SCML4: variants seen among roughly 807,000 people sequenced by gnomAD.
SCML4 encodes the protein Scm polycomb group protein like 4.
In SCML4, 34 loss-of-function variants were observed where a neutral mutation model predicts 41.1. That is an observed-to-expected ratio of 0.83 (90% CI 0.63 to 1.10). The LOEUF is 1.10. Among genes scored for constraint, SCML4 ranks in the 50% least tolerant of loss-of-function variants. SCML4 has a pLI of 0.00. For synonymous variants in SCML4, 214 were observed against 220.9 expected (o/e 0.97, Z 0.28); for missense variants, 522 against 534.1 (o/e 0.98, Z 0.22).
At chr6:107,806,812 C>G (rs1461376755) in intron 1 of SCML4, among the ~76,000 whole-genome samples, 1 of 152,224 alleles carries the variant, frequency 6.6e-6, no homozygotes, top group Non-Finnish European at 1.5e-5. Flanking sequence ...CATCACTGAC[C>G]CAAGGGCAGC....
chr6:107,717,172 A>AAAAAG (rs1321916871), intron 6 of SCML4, among the ~76,000 whole-genome samples: 1 of 112,780 alleles, frequency 8.9e-6, no homozygotes, highest in African/African-American at 3.5e-5. Context: ...AAAAAAAAAA[A>AAAAAG]AGCCAGGTGT....
chr6:107,728,961 C>T (rs1326100773), intron 5 of SCML4, among the ~76,000 whole-genome samples: 1 of 152,148 alleles, frequency 6.6e-6, no homozygotes, highest in Non-Finnish European at 1.5e-5. Flanking sequence ...ATTTTCCGCA[C>T]TTTTCTATAG....
At chr6:107,818,512 A>C (rs969331567) in intron 1 of SCML4, among the ~76,000 whole-genome samples, 2 of 152,252 alleles carry the variant, frequency 1.3e-5, no homozygotes, top group Admixed American at 1.3e-4. Context: ...CCTTGACATC[A>C]CCAAAATTTC....
At chr6:107,740,602 G>A (rs969409411) in intron 5 of SCML4, among the ~76,000 whole-genome samples, 1 of 152,204 alleles carries the variant, frequency 6.6e-6, no homozygotes, top group African/African-American at 2.4e-5. Flanking sequence ...ATCTGCAGCA[G>A]GATCATCTTA....
chr6:107,763,860 C>G (rs995427196), intron 2 of SCML4, among the ~76,000 whole-genome samples: 4 of 152,024 alleles, frequency 2.6e-5, no homozygotes, highest in African/African-American at 9.7e-5. Context: ...AAATTAATTT[C>G]CATATTGAAG....
At chr6:107,843,871 G>A in the SCML4 span, among the ~76,000 whole-genome samples, 1 of 152,272 alleles carries the variant, frequency 6.6e-6, no homozygotes, top group South Asian at 2.1e-4. Context: ...CAGTGCTGCT[G>A]GCAATGTACT....
At chr6:107,726,792 C>T (rs12526749) in intron 5 of SCML4, among the ~76,000 whole-genome samples, 80,805 of 151,914 alleles carry the variant, frequency 0.53, 23,574 homozygotes, top group Middle Eastern at 0.66. Flanking sequence ...AGAACCCCCA[C>T]ACCCTGCTGG....
At chr6:107,763,155 T>A (rs1779747111) in intron 2 of SCML4, among the ~76,000 whole-genome samples, 1 of 152,098 alleles carries the variant, frequency 6.6e-6, no homozygotes. Flanking sequence ...GTGCTGGAAT[T>A]ACAAGCATGA....
intron 5 of SCML4, among the ~76,000 whole-genome samples, chr6:107,744,230 G>A (rs938691136): frequency 6.6e-6 from 1 of 152,292 alleles, no homozygotes; most frequent in African/African-American, 2.4e-5. Context: ...TAGCGGAGAA[G>A]GAGCACCTCC....
intron 5 of SCML4, among the ~76,000 whole-genome samples, chr6:107,732,755 G>A (rs1776691850): frequency 6.6e-6 from 1 of 152,156 alleles, no homozygotes; most frequent in Non-Finnish European, 1.5e-5. Context: ...AGAGCTGGGG[G>A]AGGCGAAGTG....
At chr6:107,807,531 C>T (rs1783829911) in intron 1 of SCML4, among the ~76,000 whole-genome samples, 2 of 152,212 alleles carry the variant, frequency 1.3e-5, no homozygotes, top group African/African-American at 4.8e-5. Context: ...CCAATATGCT[C>T]CTGTTTCATT....
At chr6:107,788,282 G>A (rs1278752010) in intron 1 of SCML4, among the ~76,000 whole-genome samples, 2 of 152,170 alleles carry the variant, frequency 1.3e-5, no homozygotes, top group African/African-American at 2.4e-5. Context: ...TCAGTGTCCT[G>A]CCCTGTCAAA....
At chr6:107,802,692 C>T (rs1451423295) in intron 1 of SCML4, among the ~76,000 whole-genome samples, 2 of 78,406 alleles carry the variant, frequency 2.6e-5, no homozygotes, top group African/African-American at 1.2e-4. Flanking sequence ...CTCCCTCCCC[C>T]TCCTCTCCCT....
intron 1 of SCML4, among the ~76,000 whole-genome samples, chr6:107,777,969 C>T (rs1341937159): frequency 6.6e-6 from 1 of 151,750 alleles, no homozygotes; most frequent in East Asian, 1.9e-4. Flanking sequence ...CATCCCAGCA[C>T]TTTCGGAGGC....
At position 107,776,348 on chromosome 6, in the gene SCML4, G is replaced by A. The variant is rs143204380; in HGVS notation, c.-59-3962C>T. ...ACCATTGAAACTAATAGCAAAAACC[G>A]CAATTACTTTTGCACCCACCCAATA... is the stretch of plus-strand genomic sequence containing the variant. On this transcript the variant is annotated intron_variant, in intron 1 of 7. Coordinates refer to ENST00000369020, the MANE Select transcript of SCML4 (RefSeq NM_198081.5). Among the ~76,000 whole-genome samples, 1,297 of 152,090 alleles carry A rather than the reference G, an allele frequency of 8.5e-3. 9 individuals are homozygous for A. Among genetic ancestry groups the A allele is most frequent in the East Asian group, 0.014 (75 of 5,180 alleles).
chr6:107,717,143 C>CA lies in SCML4; in HGVS notation c.973+3559dup, dbSNP rs546258538. ...TGAAACCCCGTCTCTACTAAAAATA[C>CA]AAAAAAAAAAAAAAAAAAAAAAAAA... is the stretch of plus-strand genomic sequence containing the variant. On this transcript the variant is annotated intron_variant, in intron 6 of 7. Transcript: ENST00000369020. Among the ~76,000 whole-genome samples, 123 of 63,526 alleles carry CA rather than the reference C, an allele frequency of 1.9e-3. 5 individuals are homozygous for CA. The highest frequency in any genetic ancestry group is 0.013 in the East Asian group (20 of 1,588). 41.7% of individuals were successfully genotyped at this position (63,526 alleles called of 152,430 possible).
intron 6 of SCML4, among the ~76,000 whole-genome samples, chr6:107,716,815 C>T (rs1363402761): frequency 6.6e-6 from 1 of 152,096 alleles, no homozygotes. Flanking sequence ...CAGCAAGTGG[C>T]CATGTGACTA....
intron 5 of SCML4, among the ~76,000 whole-genome samples, chr6:107,731,591 C>A (rs1206785382): frequency 6.6e-6 from 1 of 152,202 alleles, no homozygotes; most frequent in Non-Finnish European, 1.5e-5. Context: ...GGAGCCCTGG[C>A]CTTGCTCAGG....
At chr6:107,749,418 G>A (rs77932664) in intron 3 of SCML4, among the ~76,000 whole-genome samples, 4 of 152,112 alleles carry the variant, frequency 2.6e-5, no homozygotes, top group South Asian at 2.1e-4. Context: ...CCTGTGCCCC[G>A]CTGTCATCCA....
Sources: allele counts gnomAD v4.1 joint callset (sites outside exome capture counted in the v4.1 genomes callset), GRCh38; gene constraint gnomAD v4.1.1; transcripts MANE v1.5; gene names NCBI Gene and HGNC (gene_info 2026-07-23, HGNC 2026-07-21).